DPF3: variants seen among roughly 807,000 people sequenced by gnomAD.
DPF3 encodes the protein zinc finger protein DPF3.
DPF3 carries 18 observed loss-of-function variants against 56.8 expected under a neutral mutation model. That is an observed-to-expected ratio of 0.32 (90% CI 0.22 to 0.47). The LOEUF is 0.47. Among genes scored for constraint, DPF3 ranks in the 20% least tolerant of loss-of-function variants. The probability of loss-of-function intolerance (pLI) is 1.00; values close to 1 mark genes in which losing one functional copy is unlikely to be tolerated. For missense variants in DPF3, 403 were observed against 488.8 expected (o/e 0.82, Z 1.65); for synonymous variants, 188 against 180.2 (o/e 1.04, Z -0.35).
chr14:72,879,862 C>T, intron 1 of DPF3: 1 of 1,535,498 alleles, frequency 6.5e-7, no homozygotes, highest in South Asian at 1.2e-5. Context: ...TCTGTGAACC[C>T]CATAAAACCA....
chr14:72,701,983 C>A (rs1186297973), intron 6 of DPF3, among the ~76,000 whole-genome samples: 1 of 152,232 alleles, frequency 6.6e-6, no homozygotes, highest in Non-Finnish European at 1.5e-5. Flanking sequence ...CATCAGGCAG[C>A]ACCCATTCCC....
At chr14:72,870,549 C>T (rs1204543884) in intron 1 of DPF3, among the ~76,000 whole-genome samples, 1 of 152,184 alleles carries the variant, frequency 6.6e-6, no homozygotes, top group Non-Finnish European at 1.5e-5. Flanking sequence ...CAAAGCATGC[C>T]ATAGATAAAT....
intron 1 of DPF3, among the ~76,000 whole-genome samples, chr14:72,807,502 A>C (rs961149414): frequency 2.6e-5 from 4 of 152,180 alleles, no homozygotes; most frequent in Non-Finnish European, 4.4e-5. Flanking sequence ...GGGCCCTTTG[A>C]CAACACCTAA....
chr14:72,657,984 T>C (rs887034057), intron 8 of DPF3, among the ~76,000 whole-genome samples: 8 of 152,178 alleles, frequency 5.3e-5, no homozygotes, highest in African/African-American at 1.7e-4. Context: ...AAAACAACCA[T>C]GACCCCAGCG....
At chr14:72,745,783 G>A (rs949152491) in intron 3 of DPF3, among the ~76,000 whole-genome samples, 2 of 152,092 alleles carry the variant, frequency 1.3e-5, no homozygotes, top group Non-Finnish European at 2.9e-5. Context: ...TGAGTCACGC[G>A]CGAAGTATCA....
chr14:72,809,653 C>T (rs1647479014), intron 1 of DPF3, among the ~76,000 whole-genome samples: 1 of 152,160 alleles, frequency 6.6e-6, no homozygotes, highest in Non-Finnish European at 1.5e-5. Context: ...GCACTGGGCT[C>T]CACAGGCAGT....
Position 72,754,643 on chromosome 14 carries a change from C to G in DPF3, c.194-1272G>C, listed in dbSNP as rs925340419. On this transcript the variant is annotated intron_variant, in intron 2 of 10. Transcript: ENST00000556509. ...AACATCAGCACCTGATTCCCATCTG[C>G]CGTCTTCCATTTTAGGGCCCTTAAA... 3.9e-5 allele frequency among the ~76,000 whole-genome samples: 6 copies of G among 152,192 alleles called. No homozygotes were observed. The East Asian group carries it at 1.2e-3, about 29-fold the overall frequency.
intron 1 of DPF3, among the ~76,000 whole-genome samples, chr14:72,845,391 A>G (rs1884709347): frequency 6.6e-6 from 1 of 152,214 alleles, no homozygotes; most frequent in Non-Finnish European, 1.5e-5. Context: ...AGCTGAAGTT[A>G]CGAAAGGCAG....
At chr14:72,647,307 G>A (rs1013986258) in intron 8 of DPF3, among the ~76,000 whole-genome samples, 2 of 152,126 alleles carry the variant, frequency 1.3e-5, no homozygotes, top group African/African-American at 2.4e-5. Context: ...GCCCATTGTC[G>A]ACATACCCGT....
At chr14:72,795,634 G>A (rs1360863780) in intron 1 of DPF3, among the ~76,000 whole-genome samples, 5 of 152,148 alleles carry the variant, frequency 3.3e-5, no homozygotes, top group African/African-American at 9.7e-5. Context: ...TGAAGTACTT[G>A]GCTATCAGCA....
intron 2 of DPF3, among the ~76,000 whole-genome samples, chr14:72,764,060 T>C (rs991614994): frequency 1.3e-5 from 2 of 152,216 alleles, no homozygotes; most frequent in African/African-American, 4.8e-5. Context: ...TGTCTTTTTA[T>C]ATGCTAATGA....
intron 1 of DPF3, among the ~76,000 whole-genome samples, chr14:72,798,985 A>G (rs1892753402): frequency 6.6e-6 from 1 of 152,172 alleles, no homozygotes; most frequent in Non-Finnish European, 1.5e-5. Flanking sequence ...GCATCTCAGG[A>G]GTGTGCAGGA....
At chr14:72,739,009 G>A (rs1890017683) in intron 3 of DPF3, among the ~76,000 whole-genome samples, 1 of 152,156 alleles carries the variant, frequency 6.6e-6, no homozygotes, top group Admixed American at 6.5e-5. Flanking sequence ...GGGAGGCGAG[G>A]TGGGTGGATA....
At chr14:72,708,892 T>A (rs1160195589) in intron 6 of DPF3, among the ~76,000 whole-genome samples, 1 of 152,204 alleles carries the variant, frequency 6.6e-6, no homozygotes, top group African/African-American at 2.4e-5. Context: ...AAGGCGCCAC[T>A]GTGTGGGGAA....
chr14:72,700,609 C>T (rs1888116584), intron 6 of DPF3, among the ~76,000 whole-genome samples: 1 of 152,212 alleles, frequency 6.6e-6, no homozygotes, highest in African/African-American at 2.4e-5. Flanking sequence ...TCAGTGCCAT[C>T]AACCACCCAG....
intron 1 of DPF3, among the ~76,000 whole-genome samples, chr14:72,839,804 A>T (rs935573558): frequency 6.6e-6 from 1 of 152,188 alleles, no homozygotes; most frequent in Non-Finnish European, 1.5e-5. Flanking sequence ...GAAGTAGCAA[A>T]ACCTGCACTG....
At chr14:72,892,217 G>T in intron 1 of DPF3, 1 of 1,535,448 alleles carries the variant, frequency 6.5e-7, no homozygotes. Flanking sequence ...ATGTGATTTC[G>T]GCTGGAAATG....
intron 1 of DPF3, among the ~76,000 whole-genome samples, chr14:72,822,381 T>C (rs932349092): frequency 1.3e-5 from 2 of 151,910 alleles, no homozygotes; most frequent in Non-Finnish European, 2.9e-5. Flanking sequence ...TGAAACTCCA[T>C]CTCAAAAAAA....
chr14:72,773,917 T>G, intron 1 of DPF3: 2 of 455,618 alleles, frequency 4.4e-6, no homozygotes, highest in Non-Finnish European at 8.8e-6. Flanking sequence ...TCAGTGGATA[T>G]CTGGGTTGCT....
Sources: allele counts gnomAD v4.1 joint callset (sites outside exome capture counted in the v4.1 genomes callset), GRCh38; gene constraint gnomAD v4.1.1; transcripts MANE v1.5; gene names NCBI Gene and HGNC (gene_info 2026-07-23, HGNC 2026-07-21).